JDP2: variants seen among roughly 807,000 people sequenced by gnomAD.
JDP2 encodes the protein progesterone receptor co-activator.
A neutral mutation model predicts 17.1 loss-of-function variants in JDP2; 9 were observed. The ratio of observed to expected loss-of-function variants is 0.53; its 90% CI spans 0.32 to 0.92. The LOEUF is 0.92. Ranked by LOEUF, JDP2 falls within the 40% of genes least tolerant of loss-of-function variation. The pLI is 0.04. For synonymous variants in JDP2, 107 were observed against 95.6 expected, an observed-to-expected ratio of 1.12 and a Z score of -0.69; for missense variants, 179 against 220.0, an observed-to-expected ratio of 0.81 and a Z score of 1.18.
At chr14:75,440,905 G>A (rs112430189) in intron 2 of JDP2, among the ~76,000 whole-genome samples, 3 of 152,302 alleles carry the variant, frequency 2.0e-5, no homozygotes, top group African/African-American at 4.8e-5. Flanking sequence ...TCACTGGCTG[G>A]GAAATGAGCT....
In JDP2 at chr14:75,454,167, G is replaced by A. The variant is rs377284583; in HGVS notation, c.202-7259G>A. On this transcript the variant is annotated intron_variant, in intron 2 of 3. Coordinates refer to ENST00000651602, the MANE Select transcript of JDP2 (RefSeq NM_001135048.2). ...TGAGGGTTAGGCCCGAGAGGAGCTG[G>A]TGACGTCCCCTCCTTTAAACCATGG... 3.8e-4 allele frequency among the ~76,000 whole-genome samples: 26 copies of A among 67,802 alleles called. No homozygotes were observed. The East Asian group carries it at 8.1e-3, about 21-fold the overall frequency. 44.5% of individuals were successfully genotyped at this position (67,802 alleles called of 152,430 possible).
intron 2 of JDP2, among the ~76,000 whole-genome samples, chr14:75,453,126 G>A (rs1885942386): frequency 6.6e-6 from 1 of 152,058 alleles, no homozygotes; most frequent in Non-Finnish European, 1.5e-5. Context: ...CGGCTGGGCA[G>A]GCTGAGATCT....
chr14:75,446,436 A>G (rs1029198267), intron 2 of JDP2, among the ~76,000 whole-genome samples: 3 of 152,256 alleles, frequency 2.0e-5, no homozygotes, highest in Admixed American at 1.3e-4. Context: ...AATAAATAAA[A>G]CATGGTCTAT....
At position 75,469,455 on chromosome 14, in the gene JDP2, G is replaced by C; in HGVS notation, c.472G>C (p.Glu158Gln). The change falls in exon 4 of 4, where the codon GAG becomes CAG. Residue 158 changes from glutamate to glutamine, a missense_variant. Physicochemically the swap from Glu to Gln is conservative, Grantham distance 29. Transcript: ENST00000651602. The stretch of plus-strand genomic sequence containing the variant: ...CGAGTCAGAAGGCAACCCACTGCTC[G>C]AGCAGCTCGAGAAGAAGTGACCATG... ...TPESEGNPLLEQLEKK is the reference protein window; with the variant it reads ...TPESEGNPLLQQLEKK The C allele has an allele frequency of 1.2e-6, 2 of 1,613,664 alleles. No individual in the cohort carries two copies. The highest frequency in any genetic ancestry group is 2.2e-5 in the South Asian group (2 of 91,038).
At chr14:75,467,938 C>A (rs1463510423) in intron 3 of JDP2, among the ~76,000 whole-genome samples, 1 of 152,148 alleles carries the variant, frequency 6.6e-6, no homozygotes, top group African/African-American at 2.4e-5. Flanking sequence ...AGTTCCCGGG[C>A]ACTCATGCTG....
intron 1 of JDP2, chr14:75,432,025 C>T (rs1279453484): frequency 3.9e-6 from 2 of 506,384 alleles, no homozygotes; most frequent in Non-Finnish European, 7.0e-6. Context: ...CAAGGGCACA[C>T]AGCTAGTAAG....
At chr14:75,453,941 T>A (rs1885985910) in intron 2 of JDP2, among the ~76,000 whole-genome samples, 1 of 152,238 alleles carries the variant, frequency 6.6e-6, no homozygotes, top group South Asian at 2.1e-4. Context: ...TCTTTGTCCA[T>A]GTGAGAGTTT....
At chr14:75,447,850 GT>G (rs1458299705) in intron 2 of JDP2, among the ~76,000 whole-genome samples, 15 of 152,186 alleles carry the variant, frequency 9.9e-5, no homozygotes, top group Admixed American at 9.2e-4. Context: ...TAGAGATGGG[GT>G]TTTGCCATGT....
rs1488434936 is a variant in JDP2 at position 75,471,434 on chromosome 14, C to G, written c.*1959C>G. ...TGTATACTGAAGCTTGCAAAGGCTA[C>G]AGTTTACCCAACTAAACTTGACTCC... On this transcript the variant is annotated 3_prime_UTR_variant, in exon 4 of 4. Coordinates refer to ENST00000651602, the MANE Select transcript of JDP2 (RefSeq NM_001135048.2). 1.3e-5 allele frequency: 2 copies of G among 152,262 alleles called. No individual in the cohort carries two copies. Among genetic ancestry groups the G allele is most frequent in the Non-Finnish European group, 2.9e-5 (2 of 68,054 alleles). 9.4% of individuals were successfully genotyped at this position (152,262 alleles called of 1,614,324 possible). A position where few individuals can be genotyped will look rare whatever the true frequency, so the allele number is the denominator to read the frequency against.
intron 3 of JDP2, among the ~76,000 whole-genome samples, chr14:75,463,565 C>A (rs529480106): frequency 1.5e-3 from 225 of 152,200 alleles, no homozygotes; most frequent in African/African-American, 5.4e-3. Flanking sequence ...CTGTCCTGGT[C>A]TAGGCTAAGG....
intron 1 of JDP2, among the ~76,000 whole-genome samples, chr14:75,433,351 A>C (rs1884906169): frequency 6.6e-6 from 1 of 150,384 alleles, no homozygotes; most frequent in South Asian, 2.1e-4. Context: ...GAGAGAGGAA[A>C]ACCAGAGGAA....
intron 2 of JDP2, among the ~76,000 whole-genome samples, chr14:75,438,845 A>T (rs773993781): frequency 6.6e-6 from 1 of 152,216 alleles, no homozygotes. Flanking sequence ...ATGGCTGAGG[A>T]TCTGTGCAGG....
At position 75,471,443 on chromosome 14, in the gene JDP2, C is replaced by T. The variant is rs1422059908; in HGVS notation, c.*1968C>T. 3 of 152,240 alleles carry T rather than the reference C, an allele frequency of 2.0e-5. No homozygotes were observed. The highest frequency in any genetic ancestry group is 7.2e-5 in the African/African-American group (3 of 41,462). The allele number at this position is 152,240 out of a possible 1,614,324, so 9.4% of individuals were successfully genotyped here. ...AAGCTTGCAAAGGCTACAGTTTACC[C>T]AACTAAACTTGACTCCTGCATTCTA... is the stretch of plus-strand genomic sequence containing the variant. On this transcript the variant is annotated 3_prime_UTR_variant, in exon 4 of 4. Coordinates refer to ENST00000651602, the MANE Select transcript of JDP2 (RefSeq NM_001135048.2).
At chr14:75,453,191 G>A (rs189331918) in intron 2 of JDP2, among the ~76,000 whole-genome samples, 6 of 152,288 alleles carry the variant, frequency 3.9e-5, no homozygotes, top group Admixed American at 3.3e-4. Flanking sequence ...GGGAGGGACT[G>A]CAGCCCCTGG....
intron 2 of JDP2, among the ~76,000 whole-genome samples, chr14:75,452,287 G>A (rs1019873794): frequency 6.6e-6 from 1 of 152,108 alleles, no homozygotes; most frequent in South Asian, 2.1e-4. Flanking sequence ...TGGCAGCCTC[G>A]GGCAGACACT....
chr14:75,432,613 A>G (rs1594943486), intron 1 of JDP2, among the ~76,000 whole-genome samples: 1 of 152,016 alleles, frequency 6.6e-6, no homozygotes, highest in Non-Finnish European at 1.5e-5. Flanking sequence ...CTTAGACCGC[A>G]CCCACGTGCA....
chr14:75,437,173 A>G (rs927113446), intron 1 of JDP2, among the ~76,000 whole-genome samples: 1 of 30,042 alleles, frequency 3.3e-5, no homozygotes. Context: ...CAGCCTGGGC[A>G]AAAAAAAAAA....
chr14:75,464,643 T>A (rs189310411), intron 3 of JDP2, among the ~76,000 whole-genome samples: 1 of 152,004 alleles, frequency 6.6e-6, no homozygotes, highest in East Asian at 1.9e-4. Context: ...GAGACAACTG[T>A]ATATATGTCA....
intron 2 of JDP2, among the ~76,000 whole-genome samples, chr14:75,440,438 T>G (rs2140051642): frequency 6.6e-6 from 1 of 152,346 alleles, no homozygotes; most frequent in South Asian, 2.1e-4. Context: ...TGAAGATCTA[T>G]TTGCATATGG....
Sources: gnomAD v4.1 joint callset for allele counts (sites outside exome capture counted in the v4.1 genomes callset) on GRCh38, gnomAD v4.1.1 for gene constraint, MANE v1.5 for transcripts, NCBI Gene and HGNC (gene_info 2026-07-23, HGNC 2026-07-21) for gene names.